The following TMEFF2 variants were observed in gnomAD, a reference collection of about 807,000 sequenced individuals.
The protein encoded by TMEFF2 is tomoregulin-2.
Under a neutral mutation model 53.8 loss-of-function variants are expected in TMEFF2, and 28 were observed. The observed-to-expected ratio is 0.52, with a 90% CI of 0.39 to 0.71. TMEFF2 has a LOEUF of 0.71. TMEFF2 is among the 30% of genes least tolerant of loss of function. The pLI, the probability that TMEFF2 is intolerant of heterozygous loss-of-function variation, is 0.00. For synonymous variants in TMEFF2, 162 were observed against 166.3 expected (o/e 0.97, Z 0.20); for missense variants, 353 against 455.2 (o/e 0.78, Z 2.04).
chr2:191,991,080 C>T (rs1406967710), intron 7 of TMEFF2, among the ~76,000 whole-genome samples: 7 of 151,826 alleles, frequency 4.6e-5, no homozygotes, highest in Admixed American at 3.9e-4. Flanking sequence ...TCTAAATATA[C>T]CATACATAAA....
chr2:192,049,749 C>A (rs529205134), intron 5 of TMEFF2, among the ~76,000 whole-genome samples: 2 of 152,284 alleles, frequency 1.3e-5, no homozygotes, highest in South Asian at 2.1e-4. Flanking sequence ...TACCTGTAAT[C>A]CCAGCACTTT....
intron 7 of TMEFF2, among the ~76,000 whole-genome samples, chr2:191,978,509 C>T (rs1685782551): frequency 6.6e-6 from 1 of 151,298 alleles, no homozygotes; most frequent in African/African-American, 2.4e-5. Flanking sequence ...ACCCTGATTT[C>T]TTGCTTTCCT....
chr2:191,985,726 G>A (rs1685960188), intron 7 of TMEFF2, among the ~76,000 whole-genome samples: 1 of 152,092 alleles, frequency 6.6e-6, no homozygotes, highest in East Asian at 1.9e-4. Flanking sequence ...TAATTATTGT[G>A]GCAAAGTCTT....
intron 4 of TMEFF2, among the ~76,000 whole-genome samples, chr2:192,093,669 T>C (rs866169782): frequency 6.6e-6 from 1 of 152,192 alleles, no homozygotes; most frequent in Middle Eastern, 3.4e-3. Flanking sequence ...TAGAAAATTG[T>C]ATCATCTGAT....
chr2:192,074,344 A>G (rs539128267), intron 4 of TMEFF2, among the ~76,000 whole-genome samples: 1 of 151,990 alleles, frequency 6.6e-6, no homozygotes, highest in Admixed American at 6.6e-5. Context: ...TGGAGAATGT[A>G]GTGAGTTTGG....
intron 4 of TMEFF2, among the ~76,000 whole-genome samples, chr2:192,122,115 A>G (rs1026896157): frequency 4.6e-5 from 7 of 152,186 alleles, no homozygotes; most frequent in African/African-American, 1.7e-4. Context: ...CTATAATTTG[A>G]TCATTACACT....
intron 7 of TMEFF2, among the ~76,000 whole-genome samples, chr2:191,973,456 TATGCATATATATACCTATAC>T (rs6147094): frequency 0.21 from 31,332 of 151,936 alleles, 3,347 homozygotes; most frequent in Middle Eastern, 0.25. Flanking sequence ...TATATACACA[TATGCATATATATACCTATAC>T]ATGCATACAT....
At chr2:192,163,608 GA>G (rs889051726) in intron 4 of TMEFF2, among the ~76,000 whole-genome samples, 62 of 152,276 alleles carry the variant, frequency 4.1e-4, no homozygotes, top group African/African-American at 1.4e-3. Context: ...AGGCTTTATT[GA>G]AAAGCCACTA....
chr2:191,999,235 G>A (rs770880547), intron 5 of TMEFF2, 27 bp from the exon 6 acceptor site: 1 of 1,554,596 alleles, frequency 6.4e-7, no homozygotes, highest in South Asian at 1.2e-5. Context: ...ATAAAAACAT[G>A]TAACATCAAT....
At chr2:192,092,724 G>C (rs528061336) in intron 4 of TMEFF2, among the ~76,000 whole-genome samples, 2 of 152,202 alleles carry the variant, frequency 1.3e-5, no homozygotes, top group East Asian at 3.9e-4. Flanking sequence ...TTGTAAGAAG[G>C]GGGCAGCAGA....
At chr2:192,185,798 C>T (rs73984913) in intron 2 of TMEFF2, among the ~76,000 whole-genome samples, 12,731 of 152,060 alleles carry the variant, frequency 0.084, 604 homozygotes, top group South Asian at 0.1. Flanking sequence ...ATAATAATAG[C>T]TTAATTATCA....
chr2:192,179,216 A>T (rs1315028497), intron 4 of TMEFF2: 1 of 153,574 alleles, frequency 6.5e-6, no homozygotes, highest in Non-Finnish European at 1.4e-5. Flanking sequence ...TCAGTTTCAA[A>T]TTATAAATCT....
rs62180361 is a variant in TMEFF2, at chr2:192,059,034, T to C, written c.440-1259A>G. Among the ~76,000 whole-genome samples the C allele has an allele frequency of 7.8e-3, 1,186 of 152,256 alleles. 10 individuals are homozygous for C. Among genetic ancestry groups the C allele is most frequent in the Middle Eastern group, 0.017 (5 of 294 alleles). On this transcript the variant is annotated intron_variant, in intron 4 of 9. Transcript: ENST00000272771. ...ATCAAAGATCTTTAGTTTTCTTTAGTTTACTGCTGTTCAGATGAGTAATTT... is the reference window on the plus strand; with the variant it reads ...ATCAAAGATCTTTAGTTTTCTTTAGCTTACTGCTGTTCAGATGAGTAATTT...
chr2:192,094,541 C>G (rs1269623051), intron 4 of TMEFF2, among the ~76,000 whole-genome samples: 1 of 151,862 alleles, frequency 6.6e-6, no homozygotes, highest in Non-Finnish European at 1.5e-5. Context: ...ATCTACACAC[C>G]TCAATTTTTA....
At position 192,019,928 on chromosome 2, in the gene TMEFF2, CATAG is replaced by C. The variant is rs142953789; in HGVS notation, c.537-20724_537-20721del. On this transcript the variant is annotated intron_variant, in intron 5 of 9. Coordinates refer to ENST00000272771, the MANE Select transcript of TMEFF2 (RefSeq NM_016192.4). ...CAGTTATACTATTTTTCTTTGCTCA[CATAG>C]ATAAAGTGTTCTCTTTCAGAAATGT... Among the ~76,000 whole-genome samples, 397 of 152,190 alleles carry C rather than the reference CATAG, an allele frequency of 2.6e-3. 4 individuals carry two copies. Among genetic ancestry groups the C allele is most frequent in the African/African-American group, 8.5e-3 (355 of 41,572 alleles).
At chr2:192,132,216 G>C (rs924898274) in intron 4 of TMEFF2, among the ~76,000 whole-genome samples, 30 of 152,172 alleles carry the variant, frequency 2.0e-4, no homozygotes, top group South Asian at 4.2e-4. Context: ...GTTTCGTTCT[G>C]TGACTAGCCC....
rs542539150 is a variant in TMEFF2 at position 192,048,712 on chromosome 2, A to C, written c.536+8967T>G. On this transcript the variant is annotated intron_variant, in intron 5 of 9. Coordinates refer to ENST00000272771, the MANE Select transcript of TMEFF2 (RefSeq NM_016192.4). ...ACTCTTCCCTCTTTTTCTATTTCTCATCTCCAGGAATTTCTATTCTTACAG... is the reference window on the plus strand; with the variant it reads ...ACTCTTCCCTCTTTTTCTATTTCTCCTCTCCAGGAATTTCTATTCTTACAG... Among the ~76,000 whole-genome samples the C allele has an allele frequency of 1.1e-4, 16 of 152,114 alleles. No individual in the cohort carries two copies. In the South Asian group the frequency reaches 3.3e-3, roughly 32 times the overall value.
At chr2:192,078,529 A>G (rs1019590261) in intron 4 of TMEFF2, among the ~76,000 whole-genome samples, 1 of 152,160 alleles carries the variant, frequency 6.6e-6, no homozygotes, top group Non-Finnish European at 1.5e-5. Context: ...AGTGTTAGAG[A>G]TACATTGCAG....
intron 4 of TMEFF2, among the ~76,000 whole-genome samples, chr2:192,061,987 T>A (rs1055244005): frequency 2.0e-5 from 3 of 152,142 alleles, no homozygotes; most frequent in African/African-American, 7.2e-5. Flanking sequence ...TGGAGAACCA[T>A]GAGTCAGAAT....
Sources: allele counts gnomAD v4.1 joint callset (sites outside exome capture counted in the v4.1 genomes callset), GRCh38; gene constraint gnomAD v4.1.1; transcripts MANE v1.5; gene names NCBI Gene and HGNC (gene_info 2026-07-23, HGNC 2026-07-21).